The following DCC variants were observed in gnomAD, a reference collection of about 807,000 sequenced individuals.
DCC encodes DCC netrin 1 receptor.
A neutral mutation model predicts 172.5 loss-of-function variants in DCC; 58 were observed. That is an observed-to-expected ratio of 0.34 (90% CI 0.27 to 0.42). The LOEUF (loss-of-function observed/expected upper bound fraction) is 0.42, where lower values mean the gene tolerates loss of function less well. Ranked by LOEUF, DCC falls within the 10% of genes least tolerant of loss-of-function variation. DCC has a pLI of 1.00. For missense variants in DCC, 1,740 were observed against 1,791.0 expected (o/e 0.97, Z 0.51); for synonymous variants, 709 against 644.5 (o/e 1.10, Z -1.52).
chr18:52,919,553 A>C (rs1288302522), intron 3 of DCC, among the ~76,000 whole-genome samples: 1 of 152,166 alleles, frequency 6.6e-6, no homozygotes. Flanking sequence ...GATGGTAACA[A>C]ACATCACTGA....
chr18:53,407,173 A>G (rs949902382), intron 19 of DCC, among the ~76,000 whole-genome samples: 3 of 152,098 alleles, frequency 2.0e-5, no homozygotes, highest in African/African-American at 7.2e-5. Context: ...AGTGCAGTTG[A>G]CCTGGGATGG....
At position 52,883,380 on chromosome 18, in the gene DCC, GTGTGTGTGTGTGAGA is replaced by G. The variant is rs1161496776; in HGVS notation, c.413-22662_413-22648del. 4.4e-4 allele frequency among the ~76,000 whole-genome samples: 51 copies of G among 115,336 alleles called. No homozygotes were observed. The East Asian group carries it at 4.7e-3, about 11-fold the overall frequency. 75.7% of individuals were successfully genotyped at this position (115,336 alleles called of 152,430 possible). On this transcript the variant is annotated intron_variant, in intron 2 of 28. Transcript: ENST00000442544. Reference sequence around the variant, plus strand: ...TGTGTGTGTGTGTGTGTGTGTGTGTGTGTGTGTGTGTGAGATCTCTTTCTGTCTTCCTTTTAGTGA... The same window carrying G: ...TGTGTGTGTGTGTGTGTGTGTGTGTGTCTCTTTCTGTCTTCCTTTTAGTGA...
intron 5 of DCC, among the ~76,000 whole-genome samples, chr18:52,972,647 A>G (rs1598986380): frequency 1.3e-5 from 2 of 151,684 alleles, no homozygotes; most frequent in Admixed American, 1.3e-4. Flanking sequence ...AAAGCAATGC[A>G]AAACTAAGGA....
At chr18:53,357,082 C>A (rs949950839) in intron 15 of DCC, among the ~76,000 whole-genome samples, 1 of 152,130 alleles carries the variant, frequency 6.6e-6, no homozygotes, top group Non-Finnish European at 1.5e-5. Flanking sequence ...CCCTATTAAT[C>A]CATTTTGACC....
intron 25 of DCC, among the ~76,000 whole-genome samples, chr18:53,485,290 TA>T (rs748974276): frequency 6.6e-6 from 1 of 152,022 alleles, no homozygotes; most frequent in Non-Finnish European, 1.5e-5. Flanking sequence ...CATGTATTTT[TA>T]AAAAAATTCT....
intron 21 of DCC, among the ~76,000 whole-genome samples, chr18:53,433,762 C>T (rs1470357688): frequency 4.6e-5 from 7 of 152,140 alleles, no homozygotes; most frequent in African/African-American, 1.7e-4. Context: ...TTGTTCCTCT[C>T]ACCACCACCT....
intron 5 of DCC, among the ~76,000 whole-genome samples, chr18:52,951,135 A>G (rs566704127): frequency 9.2e-5 from 14 of 152,136 alleles, no homozygotes; most frequent in African/African-American, 3.4e-4. Context: ...TTGAGAATGC[A>G]CGGACCTTGA....
intron 12 of DCC, among the ~76,000 whole-genome samples, chr18:53,257,525 C>A (rs1375030132): frequency 6.6e-6 from 1 of 152,122 alleles, no homozygotes; most frequent in Non-Finnish European, 1.5e-5. Context: ...TATTGATTTG[C>A]GTGTGTTGAA....
chr18:52,590,008 A>G (rs1258997252), intron 1 of DCC, among the ~76,000 whole-genome samples: 1 of 152,212 alleles, frequency 6.6e-6, no homozygotes, highest in Non-Finnish European at 1.5e-5. Flanking sequence ...TTTTTTTAAA[A>G]AAAGATATAC....
intron 15 of DCC, among the ~76,000 whole-genome samples, chr18:53,381,218 AT>A (rs146453554): frequency 3.3e-5 from 5 of 152,044 alleles, no homozygotes; most frequent in Admixed American, 1.3e-4. Flanking sequence ...GGTATTTTTA[AT>A]TTTTTTTCTT....
intron 21 of DCC, among the ~76,000 whole-genome samples, chr18:53,417,289 A>G (rs1269847345): frequency 1.3e-5 from 2 of 152,320 alleles, no homozygotes; most frequent in Non-Finnish European, 2.9e-5. Flanking sequence ...TATACTATGC[A>G]GCTGCTTAAC....
chr18:52,646,436 T>C (rs755219907), intron 1 of DCC, among the ~76,000 whole-genome samples: 2 of 152,126 alleles, frequency 1.3e-5, no homozygotes, highest in Admixed American at 6.5e-5. Flanking sequence ...CTGACACTAA[T>C]ACCTGGATTT....
chr18:53,423,327 A>G (rs572905198), intron 21 of DCC, among the ~76,000 whole-genome samples: 108 of 152,246 alleles, frequency 7.1e-4, no homozygotes, highest in Non-Finnish European at 1.4e-3. Flanking sequence ...AATCAGCCCT[A>G]GATTCTGCCG....
intron 12 of DCC, among the ~76,000 whole-genome samples, chr18:53,237,420 GA>G (rs1041625166): frequency 5.9e-5 from 9 of 152,160 alleles, no homozygotes; most frequent in African/African-American, 1.9e-4. Context: ...ATTAGTGGAT[GA>G]ACAAAGTAAG....
At chr18:52,912,629 A>G (rs967770587) in intron 3 of DCC, among the ~76,000 whole-genome samples, 6 of 152,038 alleles carry the variant, frequency 3.9e-5, no homozygotes, top group Admixed American at 3.9e-4. Flanking sequence ...ATATGGTATA[A>G]GAGGAACTGG....
chr18:53,070,450 T>C (rs1347884126), intron 7 of DCC, among the ~76,000 whole-genome samples: 1 of 152,220 alleles, frequency 6.6e-6, no homozygotes, highest in Non-Finnish European at 1.5e-5. Context: ...TTCCAATAGT[T>C]GAGCTTATTC....
chr18:53,080,024 G>A (rs1471929903), intron 7 of DCC, among the ~76,000 whole-genome samples: 1 of 152,068 alleles, frequency 6.6e-6, no homozygotes, highest in Non-Finnish European at 1.5e-5. Context: ...GTTTTTTAAA[G>A]ATAACTTTGG....
rs2046007060 is a variant in DCC at position 53,495,352 on chromosome 18, T to C, written c.3899-3946T>C. ...GTTGCAGTGAGCCAAGATCGCACAC[T>C]GCATTCCAGCCTGGGTAACAGAGCA... On this transcript the variant is annotated intron_variant, in intron 26 of 28. Coordinates refer to ENST00000442544, the MANE Select transcript of DCC (RefSeq NM_005215.4). Among the ~76,000 whole-genome samples, 3 of 140,336 alleles carry C rather than the reference T, an allele frequency of 2.1e-5. No individual in the cohort carries two copies. In the South Asian group the frequency reaches 6.6e-4, roughly 31 times the overall value. 92.1% of individuals were successfully genotyped at this position (140,336 alleles called of 152,430 possible).
chr18:53,445,481 G>A (rs953782247), intron 22 of DCC, among the ~76,000 whole-genome samples: 3 of 152,120 alleles, frequency 2.0e-5, no homozygotes, highest in African/African-American at 4.8e-5. Flanking sequence ...TGTGCCAAGG[G>A]GACCAGGTCC....
Sources: allele counts gnomAD v4.1 joint callset (sites outside exome capture counted in the v4.1 genomes callset), GRCh38; gene constraint gnomAD v4.1.1; transcripts MANE v1.5; gene names NCBI Gene and HGNC (gene_info 2026-07-23, HGNC 2026-07-21).